SETD5: variants seen among roughly 807,000 people sequenced by gnomAD.
The protein encoded by SETD5 is SET domain containing 5.
In SETD5, 44 loss-of-function variants were observed where a neutral mutation model predicts 153.3. That is an observed-to-expected ratio of 0.29 (90% CI 0.23 to 0.37). SETD5 has a LOEUF of 0.37. SETD5 is among the 10% of genes least tolerant of loss of function. The pLI is 1.00. For synonymous variants in SETD5, 716 were observed against 645.2 expected (o/e 1.11, Z -1.66); for missense variants, 1,544 against 1,768.0 (o/e 0.87, Z 2.27).
rs1301546307 is a variant in SETD5 at position 9,445,114 on chromosome 3, T to C, written c.1254T>C (p.Pro418=). The C allele has an allele frequency of 6.2e-7, 1 of 1,613,996 alleles. No individual in the cohort carries two copies. The highest frequency in any genetic ancestry group is 8.5e-7 in the Non-Finnish European group (1 of 1,179,870). ...NRNCPIQKRN[P]NATELPLLPP... ...ATTGTCCTATACAAAAAAGGAATCC[T>C]AATGCTACAGAACTGCCACTCCTAC... Residue 418 remains proline (P), a synonymous_variant, in exon 12 of 23, where the codon CCT becomes CCC. Coordinates refer to ENST00000402198, the MANE Select transcript of SETD5 (RefSeq NM_001080517.3).
intron 13 of SETD5, 108 bp downstream of exon 13, chr3:9,445,848 G>T: frequency 1.5e-6 from 1 of 649,202 alleles, no homozygotes; most frequent in East Asian, 3.2e-5. Flanking sequence ...TTGACCTGAA[G>T]GTTATAATTT....
chr3:9,404,334 A>T (rs1252297469), intron 1 of SETD5, among the ~76,000 whole-genome samples: 3 of 152,194 alleles, frequency 2.0e-5, no homozygotes, highest in African/African-American at 7.2e-5. Context: ...AGAAAACTGG[A>T]TGTGTTACTA....
intron 1 of SETD5, among the ~76,000 whole-genome samples, chr3:9,405,596 A>G (rs1309604508): frequency 6.6e-6 from 1 of 152,226 alleles, no homozygotes; most frequent in Non-Finnish European, 1.5e-5. Flanking sequence ...GTGAAGACTC[A>G]AATAAAACTG....
intron 16 of SETD5, among the ~76,000 whole-genome samples, chr3:9,448,963 A>G (rs1394017683): frequency 1.3e-5 from 2 of 152,178 alleles, no homozygotes; most frequent in Non-Finnish European, 1.5e-5. Flanking sequence ...CTCTTGTGAT[A>G]TGGGTTAACA....
chr3:9,430,238 C>G, intron 3 of SETD5: 2 of 984,862 alleles, frequency 2.0e-6, no homozygotes, highest in African/African-American at 1.7e-5. Context: ...CATAAAGCCA[C>G]CTAATATAAC....
chr3:9,402,406 T>G (rs1332601099), intron 1 of SETD5, among the ~76,000 whole-genome samples: 1 of 152,144 alleles, frequency 6.6e-6, no homozygotes, highest in Non-Finnish European at 1.5e-5. Flanking sequence ...TACCATCATA[T>G]TGATTTTGTT....
intron 16 of SETD5, among the ~76,000 whole-genome samples, chr3:9,450,034 T>G (rs148328984): frequency 6.6e-6 from 1 of 152,318 alleles, no homozygotes; most frequent in Non-Finnish European, 1.5e-5. Context: ...AAATTCCTTC[T>G]TGATAATTCT....
intron 1 of SETD5, among the ~76,000 whole-genome samples, chr3:9,412,566 C>A (rs948606284): frequency 2.0e-5 from 3 of 151,918 alleles, no homozygotes; most frequent in African/African-American, 2.4e-5. Context: ...CCACACCCAG[C>A]TAATTTTTTA....
chr3:9,427,454 G>T (rs1022461982), intron 2 of SETD5, among the ~76,000 whole-genome samples: 3 of 152,206 alleles, frequency 2.0e-5, no homozygotes, highest in Middle Eastern at 3.2e-3. Context: ...GGAAGCTGAG[G>T]CAGGAGAATC....
rs750636537 is a variant in SETD5, at chr3:9,476,166, C to G, written c.*75C>G. The stretch of plus-strand genomic sequence containing the variant: ...TTCCAGCTGCCTCTGGAACCTAGGC[C>G]GAGCATATTGCTGAGGAACGGGGGG... On this transcript the variant is annotated 3_prime_UTR_variant, in exon 23 of 23. Transcript: ENST00000402198. 4.6e-5 allele frequency: 70 copies of G among 1,518,578 alleles called. No individual in the cohort carries two copies. Among genetic ancestry groups the G allele is most frequent in the Non-Finnish European group, 5.7e-5 (64 of 1,130,578 alleles). The allele number at this position is 1,518,578 out of a possible 1,614,324, so 94.1% of individuals were successfully genotyped here. A position where few individuals can be genotyped will look rare whatever the true frequency, so the allele number is the denominator to read the frequency against.
chr3:9,448,141 A>T, intron 15 of SETD5, 135 bp downstream of exon 15: 2 of 1,171,502 alleles, frequency 1.7e-6, no homozygotes, highest in Non-Finnish European at 2.3e-6. Context: ...TTGACACAAA[A>T]GGCTGGAGTC....
intron 1 of SETD5, among the ~76,000 whole-genome samples, chr3:9,413,570 A>G (rs913479462): frequency 7.3e-5 from 11 of 151,690 alleles, no homozygotes; most frequent in African/African-American, 2.7e-4. Context: ...GGATGAAGGA[A>G]GAGGATGAAT....
intron 3 of SETD5, chr3:9,432,443 A>G: frequency 3.9e-6 from 1 of 254,204 alleles, no homozygotes; most frequent in Non-Finnish European, 6.2e-6. Flanking sequence ...TTTAAGCAGG[A>G]AAAAATGACT....
chr3:9,445,404 A>C, intron 12 of SETD5, 104 bp downstream of exon 12: 2 of 1,234,588 alleles, frequency 1.6e-6, no homozygotes, highest in Non-Finnish European at 2.3e-6. Flanking sequence ...AGTAACACTT[A>C]GTGCCCTTTA....
intron 1 of SETD5, among the ~76,000 whole-genome samples, chr3:9,413,363 A>G (rs2036885167): frequency 6.6e-6 from 1 of 152,196 alleles, no homozygotes; most frequent in African/African-American, 2.4e-5. Flanking sequence ...GCAATAGGTA[A>G]CATTTTATGA....
chr3:9,411,534 T>C (rs1248706395), intron 1 of SETD5, among the ~76,000 whole-genome samples: 2 of 152,210 alleles, frequency 1.3e-5, no homozygotes, highest in Admixed American at 1.3e-4. Context: ...ATTAAGAATG[T>C]GAGGATTCTA....
At position 9,443,362 on chromosome 3, in the gene SETD5, G is replaced by T; in HGVS notation, c.1132G>T (p.Ala378Ser). The T allele has an allele frequency of 6.6e-7, 1 of 1,513,954 alleles. No individual in the cohort carries two copies. The highest frequency in any genetic ancestry group is 8.8e-7 in the Non-Finnish European group (1 of 1,130,392). 93.8% of individuals were successfully genotyped at this position (1,513,954 alleles called of 1,614,324 possible). Reference sequence around the variant, plus strand: ...TCACCTGTGCATCTATGCTGTGTCTGCCATCACCAAGGATGCTGAGGTCAC... The same window carrying T: ...TCACCTGTGCATCTATGCTGTGTCTTCCATCACCAAGGATGCTGAGGTCAC... ...MIHLCIYAVS[A>S]ITKDAEVTIA... Residue 378 changes from alanine to serine, a missense_variant, in exon 11 of 23, where the codon GCC becomes TCC. Around this residue, in one of 9 missense-constraint regions of SETD5, gnomAD observed 46 missense variants for 111.8 expected, o/e 0.41. Coordinates refer to ENST00000402198, the MANE Select transcript of SETD5 (RefSeq NM_001080517.3).
chr3:9,448,707 C>T (rs957162307), intron 16 of SETD5, 77 bp downstream of exon 16: 2 of 1,360,708 alleles, frequency 1.5e-6, no homozygotes, highest in Non-Finnish European at 2.0e-6. Flanking sequence ...TTCCTATCAT[C>T]ATGACATAAA....
At chr3:9,430,137 G>C in intron 3 of SETD5, 2 of 1,014,678 alleles carry the variant, frequency 2.0e-6, no homozygotes, top group Non-Finnish European at 2.4e-6. Flanking sequence ...CAAAGCAACT[G>C]TACCAGATTT....
Sources: gnomAD v4.1 joint callset for allele counts (sites outside exome capture counted in the v4.1 genomes callset) on GRCh38, gnomAD v4.1.1 for gene constraint, gnomAD v4.1.1 regional missense constraint, MANE v1.5 for transcripts, NCBI Gene and HGNC (gene_info 2026-07-23, HGNC 2026-07-21) for gene names.